PITPNA: variants seen among roughly 807,000 people sequenced by gnomAD.
PITPNA encodes phosphatidylinositol transfer protein alpha, also known as phosphatidylinositol transfer protein alpha isoform.
Under a neutral mutation model 50.3 loss-of-function variants are expected in PITPNA, and 13 were observed. The ratio of observed to expected loss-of-function variants is 0.26; its 90% CI spans 0.17 to 0.41. The LOEUF (loss-of-function observed/expected upper bound fraction) is 0.41. PITPNA is among the 10% of genes least tolerant of loss of function. The pLI, the probability that PITPNA is intolerant of heterozygous loss-of-function variation, is 1.00. For missense variants in PITPNA, 207 were observed against 333.4 expected, an observed-to-expected ratio of 0.62 and a Z score of 2.95; for synonymous variants, 120 against 119.6, an observed-to-expected ratio of 1.00 and a Z score of -0.02.
At chr17:1,537,012 C>T (rs1173547909) in intron 7 of PITPNA, among the ~76,000 whole-genome samples, 1 of 151,906 alleles carries the variant, frequency 6.6e-6, no homozygotes, top group Non-Finnish European at 1.5e-5. Flanking sequence ...GATCCTCCTG[C>T]CTCAGCCTCC....
At chr17:1,551,397 T>C (rs188181119) in intron 3 of PITPNA, among the ~76,000 whole-genome samples, 1 of 151,922 alleles carries the variant, frequency 6.6e-6, no homozygotes, top group African/African-American at 2.4e-5. Context: ...GCTCGGGTGA[T>C]CCTTCCACCT....
rs1359552169 is a variant in PITPNA at position 1,521,574 on chromosome 17, C to T, written c.*22+5G>A. The T allele has an allele frequency of 1.9e-6, 3 of 1,601,942 alleles. No homozygotes were observed. Among genetic ancestry groups the T allele is most frequent in the Non-Finnish European group, 1.7e-6 (2 of 1,169,028 alleles). Reference sequence around the variant, plus strand: ...GACACGCACAGTGAGAAATTTGGTACGTACAGTGCAGAGGGGAAAGGCGGC... The same window carrying T: ...GACACGCACAGTGAGAAATTTGGTATGTACAGTGCAGAGGGGAAAGGCGGC... On this transcript the variant is annotated splice_donor_5th_base_variant and intron_variant, in intron 11 of 11. Transcript: ENST00000313486.
At position 1,562,484 on chromosome 17, in the gene PITPNA, C is replaced by A; in HGVS notation, c.20+57G>T. 1.5e-6 allele frequency: 2 copies of A among 1,361,206 alleles called. No homozygotes were observed. Among genetic ancestry groups the A allele is most frequent in the Admixed American group, 2.5e-5 (1 of 39,290 alleles). The allele number at this position is 1,361,206 out of a possible 1,614,324, so 84.3% of individuals were successfully genotyped here. A position where few individuals can be genotyped will look rare whatever the true frequency, so the allele number is the denominator to read the frequency against. On this transcript the variant is annotated intron_variant, in intron 1 of 11. Transcript: ENST00000313486. The surrounding 1 kb of genome is among the most constrained non-coding windows in gnomAD (Gnocchi z 6.4). ...TGCGTCCCTCGCCGCGCCGTCGCCCCGGCGGCCGTCCCCACCCTCCCTCCT... is the reference window on the plus strand; with the variant it reads ...TGCGTCCCTCGCCGCGCCGTCGCCCAGGCGGCCGTCCCCACCCTCCCTCCT...
At chr17:1,536,863 G>A (rs2075620810) in intron 7 of PITPNA, among the ~76,000 whole-genome samples, 1 of 150,108 alleles carries the variant, frequency 6.7e-6, no homozygotes, top group African/African-American at 2.4e-5. Context: ...AAAGTGCTGG[G>A]ATTACAGGCA....
chr17:1,537,187 C>G (rs1669988961), intron 7 of PITPNA, among the ~76,000 whole-genome samples: 1 of 152,110 alleles, frequency 6.6e-6, no homozygotes, highest in Admixed American at 6.5e-5. Context: ...CCTCAGTCTC[C>G]TAAGTAGCTG....
chr17:1,527,157 A>G (rs1238892198), intron 10 of PITPNA, among the ~76,000 whole-genome samples: 1 of 152,224 alleles, frequency 6.6e-6, no homozygotes, highest in African/African-American at 2.4e-5. Context: ...TGTTCCTCAG[A>G]TTTAGCCAAT....
chr17:1,556,297 T>C (rs1161019439), intron 2 of PITPNA, among the ~76,000 whole-genome samples: 1 of 152,232 alleles, frequency 6.6e-6, no homozygotes, highest in Admixed American at 6.5e-5. Context: ...AGGTGAATCC[T>C]GATCAGCACT....
In PITPNA at chr17:1,532,627, C is replaced by A. The variant is rs536204108; in HGVS notation, c.768+1472G>T. Among the ~76,000 whole-genome samples, 11 of 152,330 alleles carry A rather than the reference C, an allele frequency of 7.2e-5. No individual in the cohort carries two copies. The South Asian group carries it at 2.1e-3, about 29-fold the overall frequency. ...ATGGCTGAAGCTCCAGGCTAAAACT[C>A]CAATGAAAGTCTCCATGTTTCCTCA... On this transcript the variant is annotated intron_variant, in intron 10 of 11. Coordinates refer to ENST00000313486, the MANE Select transcript of PITPNA (RefSeq NM_006224.4).
At position 1,546,883 on chromosome 17, in the gene PITPNA, T is replaced by C. The variant is rs139292663; in HGVS notation, c.289+1413A>G. ...TTTCAAGAAACTCTATGCAGGAGAC[T>C]GGCCAAGATTAAGAAAATAATTATA... On this transcript the variant is annotated intron_variant, in intron 4 of 11. Coordinates refer to ENST00000313486, the MANE Select transcript of PITPNA (RefSeq NM_006224.4). Among the ~76,000 whole-genome samples, 256 of 152,320 alleles carry C rather than the reference T, an allele frequency of 1.7e-3. 3 individuals carry two copies. The highest frequency in any genetic ancestry group is 5.6e-3 in the African/African-American group (234 of 41,560).
intron 3 of PITPNA, among the ~76,000 whole-genome samples, chr17:1,551,121 G>C (rs563095796): frequency 9.9e-5 from 15 of 151,864 alleles, no homozygotes; most frequent in Admixed American, 8.5e-4. Context: ...GTTGCGGGGC[G>C]GAGTCAGCGG....
intron 7 of PITPNA, among the ~76,000 whole-genome samples, chr17:1,536,522 C>G (rs985440205): frequency 6.6e-5 from 10 of 152,036 alleles, no homozygotes; most frequent in Admixed American, 1.3e-4. Flanking sequence ...ATCTCCTGAC[C>G]TCGTGATCCG....
intron 9 of PITPNA, 29 bp from the exon 10 acceptor site, chr17:1,534,250 C>G: frequency 6.2e-7 from 1 of 1,613,152 alleles, no homozygotes; most frequent in Non-Finnish European, 8.5e-7. Flanking sequence ...CACGTTAGAA[C>G]GCAGAAGGCA....
chr17:1,538,863 T>A lies in PITPNA; in HGVS notation c.456+6A>T, dbSNP rs1313493986. The A allele has an allele frequency of 1.2e-6, 2 of 1,603,640 alleles. No homozygotes were observed. Among genetic ancestry groups the A allele is most frequent in the Non-Finnish European group, 1.7e-6 (2 of 1,170,880 alleles). On this transcript the variant is annotated splice_donor_region_variant and intron_variant, in intron 7 of 11. Transcript: ENST00000313486. Reference sequence around the variant, plus strand: ...AAGGCCACCCACGTCTTTAAACGGATCCTACCTTGCTGAGCACTTGGCTTC... The same window carrying A: ...AAGGCCACCCACGTCTTTAAACGGAACCTACCTTGCTGAGCACTTGGCTTC...
chr17:1,559,752 T>C (rs751353241), intron 1 of PITPNA: 30 of 984,882 alleles, frequency 3.0e-5, no homozygotes, highest in Non-Finnish European at 3.6e-5. Flanking sequence ...GAGGAAAACA[T>C]CACCTCAAAG....
At position 1,562,638 on chromosome 17, in the gene PITPNA, C is replaced by G; in HGVS notation, c.-78G>C. 1 of 978,476 alleles carries G rather than the reference C, an allele frequency of 1.0e-6. No individual in the cohort carries two copies. Among genetic ancestry groups the G allele is most frequent in the Non-Finnish European group, 1.3e-6 (1 of 778,444 alleles). 60.6% of individuals were successfully genotyped at this position (978,476 alleles called of 1,614,324 possible). ...GCCCGCCGGCCGCTCTCCCCGTGGC[C>G]CGGCCCGGCCCGGCTGCCTGTGCGT... On this transcript the variant is annotated 5_prime_UTR_variant, in exon 1 of 12. Coordinates refer to ENST00000313486, the MANE Select transcript of PITPNA (RefSeq NM_006224.4). This position sits in a 1 kb window ranked among gnomAD's most constrained non-coding sequence, Gnocchi z 6.4.
rs889992355 is a variant in PITPNA at position 1,535,180 on chromosome 17, A to G, written c.645+2T>C. On this transcript the variant is annotated splice_donor_variant, in intron 9 of 11. Transcript: ENST00000313486. LOFTEE classifies it high-confidence loss of function. ...TGGGAAGGCCTCAGCCGAGCTACTTACCTTATGGATGAAGTTCTCCACTTT... is the reference window on the plus strand; with the variant it reads ...TGGGAAGGCCTCAGCCGAGCTACTTGCCTTATGGATGAAGTTCTCCACTTT... 6.3e-7 allele frequency: 1 copy of G among 1,597,624 alleles called. No individual in the cohort carries two copies. The highest frequency in any genetic ancestry group is 1.7e-5 in the Admixed American group (1 of 59,962).
At chr17:1,533,240 T>C (rs751339604) in intron 10 of PITPNA, among the ~76,000 whole-genome samples, 7 of 152,168 alleles carry the variant, frequency 4.6e-5, no homozygotes, top group South Asian at 2.1e-4. Flanking sequence ...AAATTGCATT[T>C]AGAGGGAGGA....
chr17:1,535,638 A>C lies in PITPNA; in HGVS notation c.457-120T>G, dbSNP rs1467980997. ...GATCTTGATGCTGATGGCACAAAGC[A>C]AATATGGGAAAATGTTATAAACAAG... On this transcript the variant is annotated intron_variant, in intron 7 of 11. Transcript: ENST00000313486. 46 of 705,534 alleles carry C rather than the reference A, an allele frequency of 6.5e-5. No individual in the cohort carries two copies. The Admixed American group carries it at 9.6e-4, about 15-fold the overall frequency. 43.7% of individuals were successfully genotyped at this position (705,534 alleles called of 1,614,324 possible).
intron 10 of PITPNA, among the ~76,000 whole-genome samples, chr17:1,526,365 G>A: frequency 6.6e-6 from 1 of 152,234 alleles, no homozygotes; most frequent in East Asian, 1.9e-4. Flanking sequence ...GATGAATGGG[G>A]TGAAGCGCGT....
Sources: gnomAD v4.1 joint callset for allele counts (sites outside exome capture counted in the v4.1 genomes callset) on GRCh38, gnomAD v4.1.1 for gene constraint, Gnocchi (gnomAD v3.1) non-coding constraint, MANE v1.5 for transcripts, NCBI Gene and HGNC (gene_info 2026-07-23, HGNC 2026-07-21) for gene names.